SDK1: variants seen among roughly 807,000 people sequenced by gnomAD.
SDK1 encodes protein sidekick-1.
In SDK1, 157 loss-of-function variants were observed where a neutral mutation model predicts 245.5. The observed-to-expected ratio is 0.64, with a 90% CI of 0.56 to 0.73. The LOEUF (loss-of-function observed/expected upper bound fraction) is 0.73, where lower values mean the gene tolerates loss of function less well. Ranked by LOEUF, SDK1 falls within the 30% of genes least tolerant of loss-of-function variation. SDK1 has a pLI of 0.00. For missense variants in SDK1, 3,583 were observed against 3,002.3 expected (o/e 1.19, Z -4.52); for synonymous variants, 1,647 against 1,278.5 (o/e 1.29, Z -6.15).
At chr7:3,866,722 G>T (rs149288764) in intron 5 of SDK1, among the ~76,000 whole-genome samples, 40 of 152,326 alleles carry the variant, frequency 2.6e-4, no homozygotes, top group Middle Eastern at 3.4e-3. Context: ...ACACCAGGCT[G>T]GTTAGAGTGG....
chr7:3,860,353 A>G (rs1780661374), intron 5 of SDK1, among the ~76,000 whole-genome samples: 1 of 152,192 alleles, frequency 6.6e-6, no homozygotes, highest in African/African-American at 2.4e-5. Flanking sequence ...AAGATGGGCA[A>G]AGGATTTGAC....
intron 5 of SDK1, among the ~76,000 whole-genome samples, chr7:3,821,985 T>C (rs561218796): frequency 3.9e-5 from 6 of 152,232 alleles, no homozygotes; most frequent in Non-Finnish European, 5.9e-5. Context: ...TGAGAAATTC[T>C]ACCTATTAAG....
intron 1 of SDK1, among the ~76,000 whole-genome samples, chr7:3,557,280 A>G (rs1377919324): frequency 6.6e-6 from 1 of 152,232 alleles, no homozygotes; most frequent in Non-Finnish European, 1.5e-5. Context: ...CAGATCCTAA[A>G]GCCACTAAAG....
At chr7:4,149,220 C>A in intron 29 of SDK1, 42 bp from the exon 30 acceptor site, 1 of 1,431,242 alleles carries the variant, frequency 7.0e-7, no homozygotes, top group Non-Finnish European at 9.2e-7. Flanking sequence ...TTGGGAAGGG[C>A]AGCCTCTCAC....
chr7:3,937,723 C>T (rs898820142), intron 5 of SDK1, among the ~76,000 whole-genome samples: 4 of 152,238 alleles, frequency 2.6e-5, no homozygotes, highest in Admixed American at 6.5e-5. Flanking sequence ...CCCCTGCCCG[C>T]GCGTCCTGCA....
At chr7:3,422,772 T>G (rs975325445) in intron 1 of SDK1, among the ~76,000 whole-genome samples, 18 of 152,178 alleles carry the variant, frequency 1.2e-4, no homozygotes, top group African/African-American at 4.3e-4. Context: ...ACTTAGGATG[T>G]GGGAGAGGAA....
chr7:3,873,974 G>C (rs1341443721), intron 5 of SDK1, among the ~76,000 whole-genome samples: 2 of 152,052 alleles, frequency 1.3e-5, no homozygotes, highest in African/African-American at 4.8e-5. Context: ...TCTTTGTGGA[G>C]TATTTTTCCT....
chr7:3,929,281 C>G (rs962069851), intron 5 of SDK1, among the ~76,000 whole-genome samples: 3 of 152,340 alleles, frequency 2.0e-5, no homozygotes, highest in Non-Finnish European at 2.9e-5. Flanking sequence ...TCTACAGATT[C>G]CTCGGTGTGT....
At chr7:3,330,470 A>G (rs771273502) in intron 1 of SDK1, among the ~76,000 whole-genome samples, 8 of 152,216 alleles carry the variant, frequency 5.3e-5, no homozygotes, top group South Asian at 2.1e-4. Context: ...GATAAAGGTC[A>G]TCAGGGTGAG....
chr7:3,715,583 A>T (rs561039655), intron 4 of SDK1, among the ~76,000 whole-genome samples: 16 of 152,338 alleles, frequency 1.1e-4, no homozygotes, highest in African/African-American at 3.4e-4. Flanking sequence ...AACAAAGGAG[A>T]CCAGGACAGC....
At chr7:4,256,201 T>C (rs1450744343) in intron 44 of SDK1, among the ~76,000 whole-genome samples, 1 of 152,256 alleles carries the variant, frequency 6.6e-6, no homozygotes, top group Non-Finnish European at 1.5e-5. Flanking sequence ...ATTACAGGCG[T>C]GAGCCACTGC....
chr7:3,321,702 CCT>C lies in SDK1; in HGVS notation c.298+19820_298+19821del, dbSNP rs747105933. Among the ~76,000 whole-genome samples the C allele has an allele frequency of 6.7e-3, 478 of 71,508 alleles. 6 individuals carry two copies. The highest frequency in any genetic ancestry group is 0.025 in the South Asian group (47 of 1,914). 46.9% of individuals were successfully genotyped at this position (71,508 alleles called of 152,430 possible). The stretch of plus-strand genomic sequence containing the variant: ...CTTCTTCCTTCTTCCTTCTCCTCCT[CCT>C]CCTCCCCCTCCCTCTCCCCTCTCCC... On this transcript the variant is annotated intron_variant, in intron 1 of 44. Transcript: ENST00000404826.
chr7:3,571,713 A>G lies in SDK1; in HGVS notation c.299-47367A>G, dbSNP rs1398618828. Among the ~76,000 whole-genome samples, 8 of 152,128 alleles carry G rather than the reference A, an allele frequency of 5.3e-5. 1 individual carries two copies. Among genetic ancestry groups the G allele is most frequent in the Admixed American group, 5.2e-4 (8 of 15,270 alleles). On this transcript the variant is annotated intron_variant, in intron 1 of 44. Transcript: ENST00000404826. The stretch of plus-strand genomic sequence containing the variant: ...ACCTTTTTGAAGTAATCTGCTTTGA[A>G]TCATGTGAGGAGCTCAATGAATATA...
intron 1 of SDK1, among the ~76,000 whole-genome samples, chr7:3,331,298 T>C (rs1284843904): frequency 6.6e-6 from 1 of 152,038 alleles, no homozygotes; most frequent in Admixed American, 6.6e-5. Context: ...ACCCAGTCTA[T>C]GGTGTTCTGT....
chr7:4,139,607 G>T (rs1178159173), intron 28 of SDK1, among the ~76,000 whole-genome samples: 2 of 69,066 alleles, frequency 2.9e-5, no homozygotes, highest in Non-Finnish European at 5.9e-5. Context: ...GTATATATGT[G>T]TGTGTATATG....
rs113671190 is a variant in SDK1 at position 3,864,875 on chromosome 7, A to C, written c.847+43292A>C. ...CTAATACCAGTAGTGACGATAGTGC[A>C]TTCTCTCCACAAAGAAGAAAACAGA... is the stretch of plus-strand genomic sequence containing the variant. On this transcript the variant is annotated intron_variant, in intron 5 of 44. Coordinates refer to ENST00000404826, the MANE Select transcript of SDK1 (RefSeq NM_152744.4). Among the ~76,000 whole-genome samples, 315 of 152,320 alleles carry C rather than the reference A, an allele frequency of 2.1e-3. 1 individual carries two copies. Among genetic ancestry groups the C allele is most frequent in the African/African-American group, 7.3e-3 (304 of 41,572 alleles).
intron 5 of SDK1, among the ~76,000 whole-genome samples, chr7:3,945,701 C>T (rs1780547081): frequency 6.6e-6 from 1 of 151,788 alleles, no homozygotes; most frequent in African/African-American, 2.4e-5. Context: ...AGATCGAGAC[C>T]ATCCTGGCTA....
intron 35 of SDK1, among the ~76,000 whole-genome samples, chr7:4,200,282 G>A (rs550211261): frequency 1.3e-5 from 2 of 152,334 alleles, no homozygotes; most frequent in African/African-American, 2.4e-5. Context: ...AGGCGGTCTT[G>A]GAGACTTCAA....
intron 1 of SDK1, among the ~76,000 whole-genome samples, chr7:3,490,190 G>C (rs1781826699): frequency 6.6e-6 from 1 of 152,148 alleles, no homozygotes; most frequent in Non-Finnish European, 1.5e-5. Context: ...TAACTGCTAG[G>C]TTCTTTACTT....
Sources: allele counts gnomAD v4.1 joint callset (sites outside exome capture counted in the v4.1 genomes callset), GRCh38; gene constraint gnomAD v4.1.1; transcripts MANE v1.5; gene names NCBI Gene and HGNC (gene_info 2026-07-23, HGNC 2026-07-21).